The following MAML2 variants were observed in gnomAD, a reference collection of about 807,000 sequenced individuals.
MAML2 encodes the protein mastermind like transcriptional coactivator 2.
In MAML2, 22 loss-of-function variants were observed where a neutral mutation model predicts 96.1. The observed-to-expected ratio is 0.23, with a 90% CI of 0.16 to 0.33. MAML2 has a LOEUF of 0.33. Ranked by LOEUF, MAML2 falls within the 10% of genes least tolerant of loss-of-function variation. The pLI, the probability that MAML2 is intolerant of heterozygous loss-of-function variation, is 1.00. For missense variants in MAML2, 1,367 were observed against 1,392.4 expected (o/e 0.98, Z 0.29); for synonymous variants, 561 against 521.3 (o/e 1.08, Z -1.04).
rs1018293889 is a variant in MAML2, at chr11:96,340,852, C to T, written c.513+531G>A. On this transcript the variant is annotated intron_variant, in intron 1 of 4. Coordinates refer to ENST00000524717, the MANE Select transcript of MAML2 (RefSeq NM_032427.4). ...TTTTGTTTTTGACTGAGGGGACATT[C>T]GGGGAATTTGCTATTTGTTACAGCT... Among the ~76,000 whole-genome samples, 8 of 152,152 alleles carry T rather than the reference C, an allele frequency of 5.3e-5. No homozygotes were observed. The South Asian group carries it at 1.0e-3, about 20-fold the overall frequency.
chr11:96,103,639 T>C (rs78427611), intron 1 of MAML2, among the ~76,000 whole-genome samples: 13,869 of 152,272 alleles, frequency 0.091, 865 homozygotes, highest in Non-Finnish European at 0.14. Context: ...TTACCCAACA[T>C]CAATGGGTAT....
intron 2 of MAML2, among the ~76,000 whole-genome samples, chr11:96,041,871 G>A (rs117091550): frequency 0.1 from 15,198 of 151,282 alleles, 1,001 homozygotes; most frequent in East Asian, 0.22. Context: ...GTGCAATGGC[G>A]CATCTCGGCT....
At chr11:96,016,603 G>A (rs1858356522) in intron 2 of MAML2, among the ~76,000 whole-genome samples, 1 of 152,100 alleles carries the variant, frequency 6.6e-6, no homozygotes, top group Admixed American at 6.6e-5. Flanking sequence ...ACTTTTTGTG[G>A]GGATAAAAGC....
intron 1 of MAML2, among the ~76,000 whole-genome samples, chr11:96,261,670 A>C (rs543045014): frequency 2.0e-5 from 3 of 152,324 alleles, no homozygotes; most frequent in African/African-American, 7.2e-5. Context: ...GAAAGAGCAA[A>C]TATCTTGCCT....
At chr11:96,005,468 C>T (rs1858164541) in intron 2 of MAML2, among the ~76,000 whole-genome samples, 1 of 152,108 alleles carries the variant, frequency 6.6e-6, no homozygotes, top group East Asian at 1.9e-4. Flanking sequence ...ATCAAAGGAA[C>T]AATAAATACC....
intron 2 of MAML2, among the ~76,000 whole-genome samples, chr11:96,084,577 T>C (rs1859578306): frequency 6.6e-6 from 1 of 152,108 alleles, no homozygotes; most frequent in Non-Finnish European, 1.5e-5. Flanking sequence ...CGGCTACATG[T>C]CCCCACCCTT....
chr11:96,305,983 AAT>A (rs1224948166), intron 1 of MAML2, among the ~76,000 whole-genome samples: 2 of 152,210 alleles, frequency 1.3e-5, no homozygotes, highest in African/African-American at 4.8e-5. Context: ...ATGAAACTTT[AAT>A]ATCTCACAAT....
At chr11:96,032,355 G>A (rs956990791) in intron 2 of MAML2, among the ~76,000 whole-genome samples, 4 of 152,064 alleles carry the variant, frequency 2.6e-5, no homozygotes, top group South Asian at 4.2e-4. Context: ...TTGGGAGGCC[G>A]AGGCAGGTGG....
intron 1 of MAML2, among the ~76,000 whole-genome samples, chr11:96,244,218 T>C (rs1196049547): frequency 1.3e-5 from 2 of 152,266 alleles, no homozygotes; most frequent in Admixed American, 6.5e-5. Flanking sequence ...GTAAGACATC[T>C]GCCTTAAGGG....
intron 1 of MAML2, among the ~76,000 whole-genome samples, chr11:96,310,411 C>G (rs1451384597): frequency 2.0e-5 from 3 of 152,060 alleles, no homozygotes; most frequent in African/African-American, 7.2e-5. Context: ...AAATTTCACC[C>G]CAATGTGACC....
intron 1 of MAML2, among the ~76,000 whole-genome samples, chr11:96,201,632 A>C (rs1247701434): frequency 6.6e-6 from 1 of 152,232 alleles, no homozygotes. Context: ...TAAAAGTCTC[A>C]AATGGGGCGG....
chr11:96,243,035 G>GACAC (rs34648958), intron 1 of MAML2, among the ~76,000 whole-genome samples: 4,089 of 150,056 alleles, frequency 0.027, 205 homozygotes, highest in African/African-American at 0.094. Flanking sequence ...CCAGTTCAGG[G>GACAC]ACACACACAC....
intron 1 of MAML2, among the ~76,000 whole-genome samples, chr11:96,199,246 T>TTGC (rs1861780126): frequency 1.3e-5 from 2 of 149,720 alleles, no homozygotes; most frequent in Middle Eastern, 3.5e-3. Flanking sequence ...CTTGTTGCTG[T>TTGC]TGCTGCAGGT....
Position 96,341,592 on chromosome 11 carries a change from T to A in MAML2, c.304A>T (p.Thr102Ser), listed in dbSNP as rs1288494943. The A allele has an allele frequency of 1.3e-6, 2 of 1,551,580 alleles. No homozygotes were observed. The highest frequency in any genetic ancestry group is 4.9e-5 in the East Asian group (2 of 40,930). Residue 102 changes from threonine to serine, a missense_variant, in exon 1 of 5, where the codon ACT becomes TCT. Thr to Ser is a moderately conservative substitution (Grantham distance 58, BLOSUM62 1). Transcript: ENST00000524717. ...HTKATATAAT[T>S]TAPPPPPAAP... ...GCAGGGGGCGGTGGAGGGGCTGTAG[T>A]GGTGGCAGCAGTGGCGGTGGCCTTG...
chr11:96,100,636 G>T (rs1859911447), intron 1 of MAML2, among the ~76,000 whole-genome samples: 1 of 151,578 alleles, frequency 6.6e-6, no homozygotes, highest in South Asian at 2.1e-4. Flanking sequence ...TAGTGTAAGG[G>T]TCAGAGGAGG....
At chr11:96,308,127 A>G (rs1374160656) in intron 1 of MAML2, among the ~76,000 whole-genome samples, 1 of 152,200 alleles carries the variant, frequency 6.6e-6, no homozygotes, top group Non-Finnish European at 1.5e-5. Context: ...CTCAGAAATC[A>G]AAATTTCAGA....
At chr11:96,239,152 T>C (rs1215897028) in intron 1 of MAML2, among the ~76,000 whole-genome samples, 1 of 152,234 alleles carries the variant, frequency 6.6e-6, no homozygotes, top group East Asian at 1.9e-4. Context: ...ATACAACAGA[T>C]CCCAATCCTT....
At chr11:96,011,680 C>T (rs1858269109) in intron 2 of MAML2, among the ~76,000 whole-genome samples, 1 of 152,054 alleles carries the variant, frequency 6.6e-6, no homozygotes, top group South Asian at 2.1e-4. Context: ...TGCAATATAA[C>T]CATGGAGCAA....
chr11:96,274,774 G>GA (rs552731683), intron 1 of MAML2, among the ~76,000 whole-genome samples: 7 of 151,914 alleles, frequency 4.6e-5, no homozygotes, highest in South Asian at 2.1e-4. Context: ...GTTTAATTTG[G>GA]AAAAAAATGC....
Sources: gnomAD v4.1 joint callset for allele counts (sites outside exome capture counted in the v4.1 genomes callset) on GRCh38, gnomAD v4.1.1 for gene constraint, MANE v1.5 for transcripts, NCBI Gene and HGNC (gene_info 2026-07-23, HGNC 2026-07-21) for gene names.